CTNNA3: variants seen among roughly 807,000 people sequenced by gnomAD.
CTNNA3 encodes the protein catenin alpha 3.
In CTNNA3, 76 loss-of-function variants were observed where a neutral mutation model predicts 95.7. The ratio of observed to expected loss-of-function variants is 0.79; its 90% CI spans 0.66 to 0.96. The LOEUF (loss-of-function observed/expected upper bound fraction) is 0.96. Ranked by LOEUF, CTNNA3 falls within the 40% of genes least tolerant of loss-of-function variation. The pLI, the probability that CTNNA3 is intolerant of heterozygous loss-of-function variation, is 0.00. For synonymous variants in CTNNA3, 431 were observed against 374.4 expected, an observed-to-expected ratio of 1.15 and a Z score of -1.74; for missense variants, 1,191 against 1,089.8, an observed-to-expected ratio of 1.09 and a Z score of -1.31.
chr10:67,048,202 T>C (rs1219471048), intron 7 of CTNNA3, among the ~76,000 whole-genome samples: 1 of 152,088 alleles, frequency 6.6e-6, no homozygotes, highest in Non-Finnish European at 1.5e-5. Context: ...AACAGTAGGA[T>C]TAACCTGGAA....
At chr10:67,668,023 G>C (rs1840361921) in intron 1 of CTNNA3, among the ~76,000 whole-genome samples, 1 of 152,012 alleles carries the variant, frequency 6.6e-6, no homozygotes, top group African/African-American at 2.4e-5. Flanking sequence ...TATTGTTGTT[G>C]TTTCTAGTTA....
At chr10:66,639,996 A>C (rs767666016) in intron 9 of CTNNA3, among the ~76,000 whole-genome samples, 1 of 152,288 alleles carries the variant, frequency 6.6e-6, no homozygotes, top group South Asian at 2.1e-4. Context: ...AGCTACATAC[A>C]TGCAGATATA....
chr10:66,625,976 A>T (rs114760953), intron 9 of CTNNA3, among the ~76,000 whole-genome samples: 2 of 152,088 alleles, frequency 1.3e-5, no homozygotes, highest in Non-Finnish European at 2.9e-5. Context: ...ATATTTTGAG[A>T]TGGAAAATTT....
chr10:67,048,001 C>T (rs1854855847), intron 7 of CTNNA3, among the ~76,000 whole-genome samples: 1 of 152,120 alleles, frequency 6.6e-6, no homozygotes. Flanking sequence ...TTGTCAAGAA[C>T]AGTACCATGT....
intron 13 of CTNNA3, among the ~76,000 whole-genome samples, chr10:66,105,991 C>T (rs2081885096): frequency 6.6e-6 from 1 of 152,032 alleles, no homozygotes; most frequent in Admixed American, 6.6e-5. Flanking sequence ...GGTGGATCAC[C>T]TGAGTCAGAT....
In CTNNA3 at chr10:66,954,535, G is replaced by C. The variant is rs56394871; in HGVS notation, c.1048-179011C>G. 8.2e-3 allele frequency among the ~76,000 whole-genome samples: 1,241 copies of C among 152,248 alleles called. 18 individuals carry two copies. Among genetic ancestry groups the C allele is most frequent in the African/African-American group, 0.029 (1,186 of 41,548 alleles). On this transcript the variant is annotated intron_variant, in intron 7 of 17. Coordinates refer to ENST00000433211, the MANE Select transcript of CTNNA3 (RefSeq NM_013266.4). The stretch of plus-strand genomic sequence containing the variant: ...TAATGCTGACCTCTTAGGGCAAACT[G>C]TAGGCACTGGTCATGCCCCATGGAT...
chr10:66,242,310 G>A (rs536300369), intron 13 of CTNNA3, among the ~76,000 whole-genome samples: 14 of 152,118 alleles, frequency 9.2e-5, no homozygotes, highest in South Asian at 6.2e-4. Context: ...AGCATTAACC[G>A]TTAAAAATAA....
intron 5 of CTNNA3, among the ~76,000 whole-genome samples, chr10:67,329,063 C>A (rs566770420): frequency 9.9e-5 from 15 of 152,258 alleles, no homozygotes; most frequent in African/African-American, 3.6e-4. Context: ...CCCCACTGAT[C>A]TAATGTTTAA....
chr10:66,948,913 T>C (rs1848403694), intron 7 of CTNNA3, among the ~76,000 whole-genome samples: 1 of 152,186 alleles, frequency 6.6e-6, no homozygotes, highest in African/African-American at 2.4e-5. Flanking sequence ...GGTCTCTTAA[T>C]TAGGCTTTGT....
chr10:67,201,466 ATTTT>A (rs900745334), intron 6 of CTNNA3, among the ~76,000 whole-genome samples: 12 of 148,582 alleles, frequency 8.1e-5, no homozygotes, highest in African/African-American at 2.8e-4. Flanking sequence ...TTTTTTTATT[ATTTT>A]TTTATTATTA....
intron 7 of CTNNA3, among the ~76,000 whole-genome samples, chr10:66,881,228 A>G (rs879517081): frequency 1.3e-5 from 2 of 152,160 alleles, no homozygotes; most frequent in Admixed American, 6.6e-5. Flanking sequence ...ACATTACTCA[A>G]GATAATGCAC....
At chr10:67,263,651 T>C (rs1030120130) in intron 5 of CTNNA3, among the ~76,000 whole-genome samples, 1 of 152,156 alleles carries the variant, frequency 6.6e-6, no homozygotes, top group Non-Finnish European at 1.5e-5. Context: ...CTTCCTTCTA[T>C]GCCAGGGAAA....
chr10:67,111,007 G>A (rs1170951015), intron 7 of CTNNA3, among the ~76,000 whole-genome samples: 1 of 152,114 alleles, frequency 6.6e-6, no homozygotes, highest in Non-Finnish European at 1.5e-5. Context: ...GGTGAACTTG[G>A]TGAGGGAGTA....
At chr10:66,606,715 T>G (rs1589486108) in intron 10 of CTNNA3, among the ~76,000 whole-genome samples, 2 of 152,242 alleles carry the variant, frequency 1.3e-5, no homozygotes, top group Admixed American at 1.3e-4. Context: ...CAACAAGTTC[T>G]TTGAAACTAA....
At chr10:67,584,111 G>A (rs1202898462) in intron 3 of CTNNA3, among the ~76,000 whole-genome samples, 1 of 152,180 alleles carries the variant, frequency 6.6e-6, no homozygotes, top group Non-Finnish European at 1.5e-5. Context: ...TTGCTGGCAA[G>A]GAGCTGCATT....
At chr10:66,415,467 A>G (rs2093139094) in intron 11 of CTNNA3, among the ~76,000 whole-genome samples, 1 of 152,034 alleles carries the variant, frequency 6.6e-6, no homozygotes, top group Admixed American at 6.6e-5. Flanking sequence ...TGCCTACGCC[A>G]TATTAGCTGC....
At chr10:67,288,012 T>C (rs1031729625) in intron 5 of CTNNA3, among the ~76,000 whole-genome samples, 1 of 152,192 alleles carries the variant, frequency 6.6e-6, no homozygotes, top group African/African-American at 2.4e-5. Flanking sequence ...TCATGTATTG[T>C]TAATATGCAC....
intron 7 of CTNNA3, among the ~76,000 whole-genome samples, chr10:66,872,889 C>T (rs1844470318): frequency 6.6e-6 from 1 of 152,032 alleles, no homozygotes; most frequent in African/African-American, 2.4e-5. Context: ...CTGTTGCCAT[C>T]TTTATGTCCA....
At chr10:67,614,187 A>C (rs1163483748) in intron 2 of CTNNA3, among the ~76,000 whole-genome samples, 1 of 152,044 alleles carries the variant, frequency 6.6e-6, no homozygotes, top group Non-Finnish European at 1.5e-5. Flanking sequence ...TGATTGGTGC[A>C]TTTTACAAAC....
Sources: gnomAD v4.1 joint callset for allele counts (sites outside exome capture counted in the v4.1 genomes callset) on GRCh38, gnomAD v4.1.1 for gene constraint, MANE v1.5 for transcripts, NCBI Gene and HGNC (gene_info 2026-07-23, HGNC 2026-07-21) for gene names.